CYFIP1: variants seen among roughly 807,000 people sequenced by gnomAD.
CYFIP1 encodes the protein cytoplasmic FMR1 interacting protein 1.
CYFIP1 carries 58 observed loss-of-function variants against 163.5 expected under a neutral mutation model. The observed-to-expected ratio is 0.35, with a 90% CI of 0.29 to 0.44. CYFIP1 has a LOEUF of 0.44. CYFIP1 is among the 20% of genes least tolerant of loss of function. The pLI is 1.00. For synonymous variants in CYFIP1, 663 were observed against 660.7 expected, an observed-to-expected ratio of 1.00 and a Z score of -0.05; for missense variants, 1,338 against 1,653.8, an observed-to-expected ratio of 0.81 and a Z score of 3.31.
At chr15:22,895,332 G>A (rs947448364) in intron 22 of CYFIP1, among the ~76,000 whole-genome samples, 1 of 152,072 alleles carries the variant, frequency 6.6e-6, no homozygotes, top group African/African-American at 2.4e-5. Context: ...TGTATTTTTT[G>A]TAGAGACAGG....
In CYFIP1 at chr15:22,925,723, C is replaced by T. The variant is rs566489168; in HGVS notation, c.1359+259G>A. Among the ~76,000 whole-genome samples the T allele has an allele frequency of 4.6e-5, 7 of 152,276 alleles. No individual in the cohort carries two copies. The South Asian group carries it at 1.2e-3, about 27-fold the overall frequency. ...GCCACATCTCTTTCACCTCCCTTCC[C>T]CGCACCCGACACTGCTCTCCATCCA... On this transcript the variant is annotated intron_variant, in intron 13 of 30. Transcript: ENST00000617928.
chr15:22,953,983 G>A (rs2062351440), intron 1 of CYFIP1, among the ~76,000 whole-genome samples: 1 of 152,214 alleles, frequency 6.6e-6, no homozygotes, highest in Non-Finnish European at 1.5e-5. Context: ...GTGAACCCGG[G>A]AGGCGGAGCT....
intron 3 of CYFIP1, 35 bp from the exon 4 acceptor site, chr15:22,944,974 G>T (rs374619160): frequency 1.3e-6 from 2 of 1,583,478 alleles, no homozygotes; most frequent in East Asian, 2.2e-5. Flanking sequence ...AAAGGCAGGC[G>T]GGGGAACTAG....
At chr15:22,883,550 A>G (rs556672632) in intron 23 of CYFIP1, among the ~76,000 whole-genome samples, 9 of 152,178 alleles carry the variant, frequency 5.9e-5, no homozygotes, top group South Asian at 2.1e-4. Context: ...AGGCGCGGCG[A>G]CTCACACCTG....
rs568082129 is a variant in CYFIP1 at position 22,868,452 on chromosome 15, A to G, written c.*1576T>C. ...ATTTGGTATATAATTAAGCCTTATA[A>G]AACTTGGTAATTGATTAAGTTTTAC... On this transcript the variant is annotated 3_prime_UTR_variant, in exon 31 of 31. Coordinates refer to ENST00000617928, the MANE Select transcript of CYFIP1 (RefSeq NM_014608.6). 2.0e-5 allele frequency: 3 copies of G among 151,884 alleles called. No individual in the cohort carries two copies. Among genetic ancestry groups the G allele is most frequent in the Admixed American group, 2.0e-4 (3 of 15,294 alleles). 9.4% of individuals were successfully genotyped at this position (151,884 alleles called of 1,614,324 possible).
At chr15:22,939,358 C>T (rs200552105) in intron 7 of CYFIP1, 38 bp from the exon 8 acceptor site, 4 of 1,614,070 alleles carry the variant, frequency 2.5e-6, no homozygotes, top group Admixed American at 3.3e-5. Context: ...ATGGGCCCGG[C>T]GCCCGGCCGG....
At chr15:22,951,821 C>G (rs1448607232) in intron 1 of CYFIP1, among the ~76,000 whole-genome samples, 1 of 152,150 alleles carries the variant, frequency 6.6e-6, no homozygotes, top group East Asian at 1.9e-4. Context: ...CAGACAGGCT[C>G]GGGGGAGAAC....
At position 22,875,278 on chromosome 15, in the gene CYFIP1, C is replaced by T; in HGVS notation, c.3043-7G>A. On this transcript the variant is annotated splice_polypyrimidine_tract_variant and splice_region_variant and intron_variant, in intron 26 of 30. Transcript: ENST00000617928. ...CACACACTTCTTCTAAAGACTAGAGCAGAGAAAGAGAGGGTCAAGCTAGGA... is the reference window on the plus strand; with the variant it reads ...CACACACTTCTTCTAAAGACTAGAGTAGAGAAAGAGAGGGTCAAGCTAGGA... 6.2e-7 allele frequency: 1 copy of T among 1,613,770 alleles called. No individual in the cohort carries two copies. The highest frequency in any genetic ancestry group is 8.5e-7 in the Non-Finnish European group (1 of 1,179,700).
At chr15:22,874,217 T>C (rs2059517080) in intron 28 of CYFIP1, among the ~76,000 whole-genome samples, 1 of 152,232 alleles carries the variant, frequency 6.6e-6, no homozygotes, top group African/African-American at 2.4e-5. Context: ...AACTCTACCC[T>C]GACACCTTGC....
chr15:22,930,129 C>T (rs1269971910), intron 11 of CYFIP1, among the ~76,000 whole-genome samples: 4 of 151,600 alleles, frequency 2.6e-5, no homozygotes, highest in African/African-American at 4.8e-5. Flanking sequence ...GAGGCCGAGA[C>T]GGGTGGATCA....
intron 22 of CYFIP1, among the ~76,000 whole-genome samples, chr15:22,893,228 G>A (rs1020238670): frequency 3.9e-5 from 6 of 152,210 alleles, no homozygotes. Flanking sequence ...TACCAGAGCC[G>A]CCTCGAGCCC....
At chr15:22,978,115 G>C (rs764521977) in intron 1 of CYFIP1, among the ~76,000 whole-genome samples, 1 of 151,778 alleles carries the variant, frequency 6.6e-6, no homozygotes, top group Non-Finnish European at 1.5e-5. Flanking sequence ...ACTTTGGGAG[G>C]CTGAGGCGGG....
At position 22,914,740 on chromosome 15, in the gene CYFIP1, C is replaced by T. The variant is rs2060910455; in HGVS notation, c.1971G>A (p.Glu657=). 2 of 1,612,352 alleles carry T rather than the reference C, an allele frequency of 1.2e-6. No homozygotes were observed. Among genetic ancestry groups the T allele is most frequent in the African/African-American group, 2.7e-5 (2 of 74,836 alleles). Residue 657 remains glutamate (E), a synonymous_variant, in exon 17 of 31, where the codon GAG becomes GAA. Transcript: ENST00000617928. The part of the protein sequence containing the change: ...ILTDHILETK[E]ASMMEYVLYS... The stretch of plus-strand genomic sequence containing the variant: ...AGGACACGCACTCCATCATCGATGC[C>T]TCCTTGGTCTCCAGGATGTGGTCCG...
At chr15:22,976,742 C>T (rs2063296066) in intron 1 of CYFIP1, among the ~76,000 whole-genome samples, 1 of 152,124 alleles carries the variant, frequency 6.6e-6, no homozygotes, top group African/African-American at 2.4e-5. Flanking sequence ...GGGAAAAAAA[C>T]CACAGTACAC....
rs749955396 is a variant in CYFIP1 at position 22,933,873 on chromosome 15, T to C, written c.921A>G (p.Leu307=). 6 of 1,612,798 alleles carry C rather than the reference T, an allele frequency of 3.7e-6. No homozygotes were observed. The highest frequency in any genetic ancestry group is 3.4e-5 in the Admixed American group (2 of 59,674). ...KYFKQLQVVP[L]FGDMQIELAR... ...CCAGTTCTATTTGCATGTCCCCAAA[T>C]AGCGGAACCACCTGGAGTTGCTGTA... Residue 307 remains leucine, a synonymous_variant, in exon 10 of 31, where the codon CTA becomes CTG. Coordinates refer to ENST00000617928, the MANE Select transcript of CYFIP1 (RefSeq NM_014608.6).
intron 10 of CYFIP1, among the ~76,000 whole-genome samples, chr15:22,933,241 A>C (rs2061596031): frequency 6.6e-6 from 1 of 152,202 alleles, no homozygotes; most frequent in South Asian, 2.1e-4. Flanking sequence ...GTGCTGTCCA[A>C]CACAGTAGCC....
At chr15:22,873,394 T>G (rs2059490801) in intron 29 of CYFIP1, 97 bp downstream of exon 29, 1 of 1,029,178 alleles carries the variant, frequency 9.7e-7, no homozygotes, top group African/African-American at 1.6e-5. Context: ...GTCCACTTCC[T>G]GAGCATGGCT....
In CYFIP1 at chr15:22,917,975, G is replaced by A. The variant is rs571714204; in HGVS notation, c.1527-40C>T. 2.8e-5 allele frequency: 45 copies of A among 1,595,840 alleles called. No individual in the cohort carries two copies. The highest frequency in any genetic ancestry group is 1.7e-4 in the Middle Eastern group (1 of 5,976). ...AAGTGATCAGCAAGGCCCAGAGGCC[G>A]AGACCTCCAGCCTCACAATCACACC... On this transcript the variant is annotated intron_variant, in intron 14 of 30. Coordinates refer to ENST00000617928, the MANE Select transcript of CYFIP1 (RefSeq NM_014608.6). The surrounding 1 kb of genome is among the most constrained non-coding windows in gnomAD (Gnocchi z 4.2).
chr15:22,923,666 T>C (rs75069913), intron 13 of CYFIP1, among the ~76,000 whole-genome samples: 1 of 152,114 alleles, frequency 6.6e-6, no homozygotes, highest in African/African-American at 2.4e-5. Flanking sequence ...TCATAGAGGC[T>C]GGGCATGGTG....
Sources: gnomAD v4.1 joint callset for allele counts (sites outside exome capture counted in the v4.1 genomes callset) on GRCh38, gnomAD v4.1.1 for gene constraint, Gnocchi (gnomAD v3.1) non-coding constraint, MANE v1.5 for transcripts, NCBI Gene and HGNC (gene_info 2026-07-23, HGNC 2026-07-21) for gene names.